The following NTRK3 variants were observed in gnomAD, a reference collection of about 807,000 sequenced individuals.
The protein encoded by NTRK3 is NT-3 growth factor receptor.
In NTRK3, 24 loss-of-function variants were observed where a neutral mutation model predicts 91.7. The observed-to-expected ratio is 0.26, with a 90% CI of 0.19 to 0.37. The LOEUF (loss-of-function observed/expected upper bound fraction) is 0.37, where lower values mean the gene tolerates loss of function less well. Among genes scored for constraint, NTRK3 ranks in the 10% least tolerant of loss-of-function variants. The pLI is 1.00. For missense variants in NTRK3, 880 were observed against 1,068.9 expected (o/e 0.82, Z 2.46); for synonymous variants, 483 against 404.0 (o/e 1.20, Z -2.34).
At chr15:87,911,316 C>T (rs879721130) in intron 17 of NTRK3, among the ~76,000 whole-genome samples, 3 of 152,194 alleles carry the variant, frequency 2.0e-5, no homozygotes, top group Non-Finnish European at 2.9e-5. Flanking sequence ...CCTTAAATTG[C>T]TCTACCACTT....
chr15:87,892,696 A>T (rs2065910459), intron 17 of NTRK3, among the ~76,000 whole-genome samples: 1 of 152,204 alleles, frequency 6.6e-6, no homozygotes, highest in Non-Finnish European at 1.5e-5. Flanking sequence ...AACATCTAGA[A>T]ATGTATGATC....
At chr15:88,216,481 C>T (rs955024791) in intron 3 of NTRK3, among the ~76,000 whole-genome samples, 1 of 152,208 alleles carries the variant, frequency 6.6e-6, no homozygotes, top group Non-Finnish European at 1.5e-5. Flanking sequence ...GGCTGACCAG[C>T]CCAGCCACGT....
At chr15:88,082,810 G>A (rs532729971) in intron 13 of NTRK3, among the ~76,000 whole-genome samples, 3 of 152,286 alleles carry the variant, frequency 2.0e-5, no homozygotes, top group South Asian at 4.1e-4. Context: ...CTGGGGCCGG[G>A]AGATGTTTAC....
At chr15:88,024,849 C>T (rs1450295936) in intron 14 of NTRK3, among the ~76,000 whole-genome samples, 1 of 152,194 alleles carries the variant, frequency 6.6e-6, no homozygotes, top group East Asian at 1.9e-4. Context: ...GCTGTGAAGG[C>T]ATGGACACAT....
intron 14 of NTRK3, among the ~76,000 whole-genome samples, chr15:88,026,872 G>A (rs2078084774): frequency 1.3e-5 from 2 of 152,128 alleles, no homozygotes; most frequent in South Asian, 4.1e-4. Flanking sequence ...AGGCAGTCAT[G>A]GCCCCTCAAG....
intron 3 of NTRK3, chr15:88,253,620 T>C (rs988938739): frequency 1.1e-4 from 17 of 152,302 alleles, no homozygotes; most frequent in Non-Finnish European, 2.5e-4. Flanking sequence ...ATTTGACCCA[T>C]GACCTCTGAC....
At chr15:88,073,869 G>C (rs1849353195) in intron 13 of NTRK3, among the ~76,000 whole-genome samples, 1 of 148,646 alleles carries the variant, frequency 6.7e-6, no homozygotes, top group Non-Finnish European at 1.5e-5. Context: ...TGAGAAAAAA[G>C]CATGTGTCTC....
chr15:88,089,703 T>C (rs1278387658), intron 13 of NTRK3, among the ~76,000 whole-genome samples: 2 of 152,184 alleles, frequency 1.3e-5, no homozygotes, highest in East Asian at 3.9e-4. Context: ...TCTGTACTCT[T>C]GAGCAGGGCA....
chr15:88,081,856 T>A (rs1339046752), intron 13 of NTRK3, among the ~76,000 whole-genome samples: 1 of 152,146 alleles, frequency 6.6e-6, no homozygotes, highest in Non-Finnish European at 1.5e-5. Context: ...CTGAGGCCAT[T>A]CGATCAGAGC....
At chr15:88,110,607 A>C (rs12148591) in intron 13 of NTRK3, among the ~76,000 whole-genome samples, 91,141 of 152,030 alleles carry the variant, frequency 0.6, 28,234 homozygotes, top group African/African-American at 0.75. Flanking sequence ...GTGAGCAAAC[A>C]CAACAGTCTA....
intron 13 of NTRK3, among the ~76,000 whole-genome samples, chr15:88,034,052 T>A (rs988126077): frequency 9.2e-5 from 14 of 152,068 alleles, no homozygotes; most frequent in Admixed American, 4.6e-4. Context: ...GATGAGTGGC[T>A]CAAAGACCTA....
At chr15:88,069,053 C>T (rs898792447) in intron 13 of NTRK3, among the ~76,000 whole-genome samples, 3 of 152,170 alleles carry the variant, frequency 2.0e-5, no homozygotes, top group South Asian at 2.1e-4. Context: ...TGAAGGTCAC[C>T]GGCAAGGAAG....
At chr15:87,922,555 C>T (rs1377270706) in intron 17 of NTRK3, among the ~76,000 whole-genome samples, 2 of 152,026 alleles carry the variant, frequency 1.3e-5, no homozygotes, top group African/African-American at 2.4e-5. Flanking sequence ...AGCCCTGAAC[C>T]TTCAAAAAAC....
chr15:87,993,637 A>G (rs2075456019), intron 14 of NTRK3, among the ~76,000 whole-genome samples: 1 of 152,222 alleles, frequency 6.6e-6, no homozygotes, highest in Non-Finnish European at 1.5e-5. Flanking sequence ...CTAGAAAAAG[A>G]GTGGAAGATA....
chr15:87,875,236 G>A, exon 19 of NTRK3: 1 of 230,562 alleles, frequency 4.3e-6, no homozygotes, highest in Non-Finnish European at 8.6e-6. Context: ...CAGTCCCTTA[G>A]GTAGCTCTGT....
intron 13 of NTRK3, among the ~76,000 whole-genome samples, chr15:88,066,941 CA>C (rs1415352128): frequency 6.6e-6 from 1 of 152,212 alleles, no homozygotes; most frequent in Admixed American, 6.5e-5. Context: ...TCCTTTCTCC[CA>C]GGCTCCACTG....
At chr15:87,934,738 C>T (rs985211725) in intron 15 of NTRK3, among the ~76,000 whole-genome samples, 6 of 152,110 alleles carry the variant, frequency 3.9e-5, no homozygotes, top group African/African-American at 1.4e-4. Context: ...AATCAGCTCA[C>T]ATTCACACTA....
chr15:87,983,204 A>T (rs2074443552), intron 14 of NTRK3, among the ~76,000 whole-genome samples: 1 of 152,182 alleles, frequency 6.6e-6, no homozygotes, highest in African/African-American at 2.4e-5. Flanking sequence ...CTGTGGAAAA[A>T]AGCATTTTGT....
intron 18 of NTRK3, 114 bp downstream of exon 19, chr15:87,880,156 A>G (rs960807078): frequency 7.4e-7 from 1 of 1,343,122 alleles, no homozygotes; most frequent in Non-Finnish European, 1.1e-6. Flanking sequence ...GCCTGCATTC[A>G]CTCTGCTGGC....
Sources: allele counts gnomAD v4.1 joint callset (sites outside exome capture counted in the v4.1 genomes callset), GRCh38; gene constraint gnomAD v4.1.1; transcripts MANE v1.5; gene names NCBI Gene and HGNC (gene_info 2026-07-23, HGNC 2026-07-21).